Variants in NAT1 observed in about 807,000 individuals in gnomAD.
NAT1 encodes N-acetyltransferase 1.
For synonymous variants in NAT1, 144 were observed against 122.6 expected (o/e 1.17, Z -1.16); for missense variants, 400 against 339.2 (o/e 1.18, Z -1.41).
intron 2 of NAT1, among the ~76,000 whole-genome samples, chr8:18,197,392 C>G (rs535999618): frequency 6.6e-6 from 1 of 152,318 alleles, no homozygotes; most frequent in African/African-American, 2.4e-5. Context: ...TGGTCTAATT[C>G]TGTGATCCTC....
chr8:18,223,123 TAATAATAATAAA>T lies in NAT1; in HGVS notation c.*206_*217del. The T allele has an allele frequency of 1.4e-5, 3 of 213,530 alleles. No homozygotes were observed. The highest frequency in any genetic ancestry group is 1.9e-4 in the South Asian group (1 of 5,256). 13.2% of individuals were successfully genotyped at this position (213,530 alleles called of 1,614,324 possible). A position where few individuals can be genotyped will look rare whatever the true frequency, so the allele number is the denominator to read the frequency against. Reference sequence around the variant, plus strand: ...CACAAACCTTTTCAAATAATAATAATAATAATAATAAAAAATGTATTTTAAAGATGGCCTGTG... The same window carrying T: ...CACAAACCTTTTCAAATAATAATAATAAATGTATTTTAAAGATGGCCTGTG... On this transcript the variant is annotated 3_prime_UTR_variant, in exon 3 of 3. Coordinates refer to ENST00000307719, the MANE Select transcript of NAT1 (RefSeq NM_000662.8).
intron 2 of NAT1, among the ~76,000 whole-genome samples, chr8:18,202,714 C>T (rs370538359): frequency 4.6e-5 from 7 of 152,098 alleles, no homozygotes; most frequent in African/African-American, 7.2e-5. Context: ...AGGAATGAAG[C>T]GGCAGACCCT....
At chr8:18,182,732 A>G (rs1802569952) in intron 2 of NAT1, among the ~76,000 whole-genome samples, 1 of 152,154 alleles carries the variant, frequency 6.6e-6, no homozygotes, top group African/African-American at 2.4e-5. Context: ...GACTATTTGC[A>G]TTTTAATATT....
intron 2 of NAT1, among the ~76,000 whole-genome samples, chr8:18,194,292 G>T (rs910942604): frequency 2.0e-5 from 3 of 152,174 alleles, no homozygotes; most frequent in Non-Finnish European, 4.4e-5. Flanking sequence ...TGATGTGTCT[G>T]TAGGGGAGAG....
At chr8:18,189,051 T>C (rs961165420) in intron 2 of NAT1, among the ~76,000 whole-genome samples, 1 of 151,322 alleles carries the variant, frequency 6.6e-6, no homozygotes, top group Non-Finnish European at 1.5e-5. Context: ...ATTTTTTGCC[T>C]ATCACATCTG....
intron 2 of NAT1, among the ~76,000 whole-genome samples, chr8:18,201,610 A>G (rs1182856691): frequency 6.6e-6 from 1 of 152,286 alleles, no homozygotes; most frequent in East Asian, 1.9e-4. Context: ...ATGCTTGCCA[A>G]TGAGGGATAA....
chr8:18,192,587 AC>A (rs1272160555), intron 2 of NAT1, among the ~76,000 whole-genome samples: 3 of 152,138 alleles, frequency 2.0e-5, no homozygotes, highest in Non-Finnish European at 4.4e-5. Context: ...CTTGGAACCA[AC>A]CCAAATGTCC....
exon 1 of NAT1, chr8:18,170,505 C>CAGGT (rs1344603538): frequency 6.6e-6 from 1 of 152,126 alleles, no homozygotes; most frequent in Non-Finnish European, 1.5e-5. Flanking sequence ...CTGCACAAAT[C>CAGGT]AGGTAGTCTC....
In NAT1 at chr8:18,222,141, A is replaced by T. The variant is rs757584542; in HGVS notation, c.94A>T (p.Ile32Phe). 3.7e-6 allele frequency: 6 copies of T among 1,614,024 alleles called. No homozygotes were observed. Among genetic ancestry groups the T allele is most frequent in the Non-Finnish European group, 5.1e-6 (6 of 1,180,014 alleles). ...ATTAACTGACATTCTTCAACACCAG[A>T]TCCGAGCTGTTCCCTTTGAGAACCT... ...ETLTDILQHQ[I>F]RAVPFENLNI... The change falls in exon 3 of 3, where the codon ATC becomes TTC. Residue 32 changes from isoleucine (I) to phenylalanine (F), a missense_variant. By Grantham distance (21) the Ile-to-Phe change is conservative (BLOSUM62 0). Coordinates refer to ENST00000307719, the MANE Select transcript of NAT1 (RefSeq NM_000662.8).
chr8:18,203,726 C>T (rs148753039), intron 2 of NAT1, among the ~76,000 whole-genome samples: 46 of 152,248 alleles, frequency 3.0e-4, no homozygotes, highest in African/African-American at 8.9e-4. Context: ...CCTTTATAGC[C>T]GTCCTTGTGA....
Position 18,222,306 on chromosome 8 carries a change from A to G in NAT1, c.259A>G (p.Thr87Ala). The G allele has an allele frequency of 6.2e-7, 1 of 1,614,102 alleles. No homozygotes were observed. Among genetic ancestry groups the G allele is most frequent in the Non-Finnish European group, 8.5e-7 (1 of 1,180,002 alleles). ...WALTTIGFET[T>A]MLGGYVYSTP... is the part of the protein sequence containing the mutation. ...TCTGACCACTATTGGTTTTGAGACC[A>G]CGATGTTGGGAGGGTATGTTTACAG... The change falls in exon 3 of 3, where the codon ACG becomes GCG. Residue 87 changes from threonine to alanine, a missense_variant. Thr to Ala is a moderately conservative substitution (Grantham distance 58). Coordinates refer to ENST00000307719, the MANE Select transcript of NAT1 (RefSeq NM_000662.8).
upstream of NAT1, among the ~76,000 whole-genome samples, chr8:18,206,221 G>C (rs1332228706): frequency 6.6e-6 from 1 of 152,174 alleles, no homozygotes; most frequent in Non-Finnish European, 1.5e-5. Flanking sequence ...TGGAGCTGCT[G>C]GGGCACAGGG....
At chr8:18,180,338 A>G (rs949174413) in intron 2 of NAT1, among the ~76,000 whole-genome samples, 28 of 152,160 alleles carry the variant, frequency 1.8e-4, no homozygotes, top group Non-Finnish European at 3.4e-4. Flanking sequence ...AGGGGTTGAG[A>G]AATGGTTTTT....
intron 2 of NAT1, among the ~76,000 whole-genome samples, chr8:18,192,499 C>T (rs1353295202): frequency 6.6e-6 from 1 of 152,186 alleles, no homozygotes; most frequent in East Asian, 1.9e-4. Context: ...GGTATATACC[C>T]AATGGACTAT....
intron 2 of NAT1, among the ~76,000 whole-genome samples, chr8:18,182,062 G>A (rs144335232): frequency 1.3e-5 from 2 of 152,130 alleles, no homozygotes; most frequent in Non-Finnish European, 2.9e-5. Flanking sequence ...ATGGTGCCTG[G>A]CATTGAGGAG....
chr8:18,176,402 C>T (rs1354043170), intron 2 of NAT1, among the ~76,000 whole-genome samples: 1 of 152,052 alleles, frequency 6.6e-6, no homozygotes, highest in Non-Finnish European at 1.5e-5. Context: ...TTGACTTCTG[C>T]ATATGAGTGT....
At chr8:18,181,975 G>T (rs1455234390) in intron 2 of NAT1, among the ~76,000 whole-genome samples, 2 of 152,068 alleles carry the variant, frequency 1.3e-5, no homozygotes, top group Non-Finnish European at 2.9e-5. Flanking sequence ...TGGCAGGCCT[G>T]ACTCTAAATT....
chr8:18,188,282 G>A (rs879171680), intron 2 of NAT1, among the ~76,000 whole-genome samples: 1 of 152,000 alleles, frequency 6.6e-6, no homozygotes, highest in Non-Finnish European at 1.5e-5. Context: ...CCCACCTTCC[G>A]GAATCCATTC....
At chr8:18,180,124 G>A (rs551985068) in intron 2 of NAT1, among the ~76,000 whole-genome samples, 1 of 152,200 alleles carries the variant, frequency 6.6e-6, no homozygotes, top group South Asian at 2.1e-4. Context: ...GGGGGAGCTA[G>A]AGGGAACTCA....
Sources: gnomAD v4.1 joint callset for allele counts (sites outside exome capture counted in the v4.1 genomes callset) on GRCh38, gnomAD v4.1.1 for gene constraint, MANE v1.5 for transcripts, NCBI Gene and HGNC (gene_info 2026-07-23, HGNC 2026-07-21) for gene names.